PDF: variants seen among roughly 807,000 people sequenced by gnomAD.
PDF encodes the protein peptide deformylase-like protein.
A neutral mutation model predicts 20.3 loss-of-function variants in PDF; 31 were observed. That is an observed-to-expected ratio of 1.52 (90% CI 1.15 to 2.06). PDF has a LOEUF of 2.06. Ranked by LOEUF, PDF falls within the 30% of genes most tolerant of loss-of-function variation. The pLI is 0.00. For synonymous variants in PDF, 254 were observed against 172.0 expected (o/e 1.48, Z -3.73); for missense variants, 447 against 362.5 (o/e 1.23, Z -1.89).
At position 69,329,151 on chromosome 16, in the gene PDF, C is replaced by T; in HGVS notation, c.603G>A (p.Val201=). ...GGGCTGCCCACCCGCTCGCCTGCCA[C>T]ACCACCTGTTCTCCATTGGGGTCCA... ...SGLDPNGEQV[V]WQASGWAARI... is the part of the protein sequence containing the mutation. Residue 201 remains valine, a synonymous_variant, in exon 2 of 2, where the codon GTG becomes GTA. Coordinates refer to ENST00000288022, the MANE Select transcript of PDF (RefSeq NM_022341.2). 6.2e-7 allele frequency: 1 copy of T among 1,608,212 alleles called. No homozygotes were observed. The highest frequency in any genetic ancestry group is 1.3e-5 in the African/African-American group (1 of 74,926).
intron 1 of PDF, 147 bp downstream of exon 1, chr16:69,329,850 C>A: frequency 9.8e-7 from 1 of 1,021,132 alleles, no homozygotes; most frequent in Non-Finnish European, 1.3e-6. Flanking sequence ...GAGCTTCTAT[C>A]CGTCCTGAGG....
chr16:69,330,035 A>T lies in PDF; in HGVS notation c.536T>A (p.Leu179Gln). 1 of 1,546,310 alleles carries T rather than the reference A, an allele frequency of 6.5e-7. No homozygotes were observed. Among genetic ancestry groups the T allele is most frequent in the Non-Finnish European group, 8.7e-7 (1 of 1,146,258 alleles). ...PEGCESVAGF[L>Q]ACVPRFQAVQ... ...CGCCTGGAAGCGGGGCACGCAGGCC[A>T]GGAAGCCGGCGACGCTCTCGCAGCC... Residue 179 changes from leucine (L) to glutamine (Q), a missense_variant, in exon 1 of 2, where the codon CTG becomes CAG. Transcript: ENST00000288022.
At position 69,330,585 on chromosome 16, in the gene PDF, CAG is replaced by C. The variant is rs1567429541; in HGVS notation, c.-17_-16del. 1 of 1,442,506 alleles carries C rather than the reference CAG, an allele frequency of 6.9e-7. No individual in the cohort carries two copies. Among genetic ancestry groups the C allele is most frequent in the Non-Finnish European group, 9.0e-7 (1 of 1,111,068 alleles). 89.4% of individuals were successfully genotyped at this position (1,442,506 alleles called of 1,614,324 possible). A position where few individuals can be genotyped will look rare whatever the true frequency, so the allele number is the denominator to read the frequency against. On this transcript the variant is annotated 5_prime_UTR_variant, in exon 1 of 2. Coordinates refer to ENST00000288022, the MANE Select transcript of PDF (RefSeq NM_022341.2). ...AGCCGGGCCATGGCGGCCCCCTTAACAGTGACCCGGCCCGCCCCTTCCGGCCG... is the reference window on the plus strand; with the variant it reads ...AGCCGGGCCATGGCGGCCCCCTTAACTGACCCGGCCCGCCCCTTCCGGCCG...
In PDF at chr16:69,330,565, G is replaced by A. The variant is rs1434080823; in HGVS notation, c.6C>T (p.Ala2=). 2.7e-6 allele frequency: 4 copies of A among 1,460,772 alleles called. No homozygotes were observed. The highest frequency in any genetic ancestry group is 1.3e-5 in the South Asian group (1 of 74,496). 90.5% of individuals were successfully genotyped at this position (1,460,772 alleles called of 1,614,324 possible). A position where few individuals can be genotyped will look rare whatever the true frequency, so the allele number is the denominator to read the frequency against. M[A]RLWGALSLWP... ...AAAGACTCAGCGCGCCCCACAGCCG[G>A]GCCATGGCGGCCCCCTTAACAGTGA... Residue 2 remains alanine, a synonymous_variant, in exon 1 of 2, where the codon GCC becomes GCT. Transcript: ENST00000288022.
chr16:69,329,641 C>A (rs1275697958), intron 1 of PDF, among the ~76,000 whole-genome samples: 5 of 152,266 alleles, frequency 3.3e-5, no homozygotes, highest in Non-Finnish European at 5.9e-5. Context: ...AATGGCCTAG[C>A]CCCCTGGGCT....
chr16:69,330,154 C>T lies in PDF; in HGVS notation c.417G>A (p.Gln139=). 6.5e-7 allele frequency: 1 copy of T among 1,546,076 alleles called. No homozygotes were observed. Residue 139 remains glutamine (Q), a synonymous_variant, in exon 1 of 2, where the codon CAG becomes CAA. Coordinates refer to ENST00000288022, the MANE Select transcript of PDF (RefSeq NM_022341.2). Reference sequence around the variant, plus strand: ...AGGGCTCCATTTGGCGGAGCGCGCGCTGGCGGGGCGGGCACTCCCGACACA... The same window carrying T: ...AGGGCTCCATTTGGCGGAGCGCGCGTTGGCGGGGCGGGCACTCCCGACACA... ...EALCRECPPR[Q]RALRQMEPFP... is the part of the protein sequence containing the mutation.
rs1965689715 is a variant in PDF at position 69,328,989 on chromosome 16, G to A, written c.*33C>T. 1.3e-6 allele frequency: 2 copies of A among 1,588,120 alleles called. No individual in the cohort carries two copies. The highest frequency in any genetic ancestry group is 1.4e-5 in the African/African-American group (1 of 73,786). On this transcript the variant is annotated 3_prime_UTR_variant, in exon 2 of 2. Transcript: ENST00000288022. Reference sequence around the variant, plus strand: ...TCAAAGTGAAAGTGTTTGCGTCTTGGTATCCGGAATCCTCAGCCCCAGTAG... The same window carrying A: ...TCAAAGTGAAAGTGTTTGCGTCTTGATATCCGGAATCCTCAGCCCCAGTAG...
rs1391140764 is a variant in PDF at position 69,327,072 on chromosome 16, G to A, written c.*1950C>T. On this transcript the variant is annotated 3_prime_UTR_variant, in exon 2 of 2. Coordinates refer to ENST00000288022, the MANE Select transcript of PDF (RefSeq NM_022341.2). Reference sequence around the variant, plus strand: ...TCAGCTGAATTCTAATTTTCCTAAAGACCCATGTTTTTAGCATCTATGAGC... The same window carrying A: ...TCAGCTGAATTCTAATTTTCCTAAAAACCCATGTTTTTAGCATCTATGAGC... The A allele has an allele frequency of 6.7e-6, 1 of 149,692 alleles. No homozygotes were observed. Among genetic ancestry groups the A allele is most frequent in the Non-Finnish European group, 1.5e-5 (1 of 67,876 alleles). The allele number at this position is 149,692 out of a possible 1,614,324, so 9.3% of individuals were successfully genotyped here.
At chr16:69,329,864 C>T in intron 1 of PDF, 133 bp downstream of exon 1, 2 of 1,189,338 alleles carry the variant, frequency 1.7e-6, no homozygotes, top group Non-Finnish European at 2.2e-6. Flanking sequence ...CCTGAGGCCT[C>T]TCCGCTCCCG....
In PDF at chr16:69,329,042, A is replaced by C; in HGVS notation, c.712T>G (p.Trp238Gly). The change falls in exon 2 of 2, where the codon TGG (tryptophan) becomes GGG (glycine). Residue 238 changes from tryptophan to glycine, a missense_variant. Coordinates refer to ENST00000288022, the MANE Select transcript of PDF (RefSeq NM_022341.2). ...AAGCTTTAGTCATTCACCTTCATCC[A>C]ATAGACGTTTGTGAACGTCCTGCTG... Reference protein sequence around the residue: ...MDSRTFTNVYWMKVND With the variant: ...MDSRTFTNVYGMKVND 1 of 1,610,672 alleles carries C rather than the reference A, an allele frequency of 6.2e-7. No homozygotes were observed. The highest frequency in any genetic ancestry group is 8.5e-7 in the Non-Finnish European group (1 of 1,179,040).
Position 69,329,047 on chromosome 16 carries a change from A to G in PDF, c.707T>C (p.Val236Ala). ...TTAGTCATTCACCTTCATCCAATAGACGTTTGTGAACGTCCTGCTGTCCAT... is the reference window on the plus strand; with the variant it reads ...TTAGTCATTCACCTTCATCCAATAGGCGTTTGTGAACGTCCTGCTGTCCAT... ...DKMDSRTFTNVYWMKVND is the reference protein window; with the variant it reads ...DKMDSRTFTNAYWMKVND Residue 236 changes from valine to alanine, a missense_variant, in exon 2 of 2, where the codon GTC (valine) becomes GCC (alanine). Coordinates refer to ENST00000288022, the MANE Select transcript of PDF (RefSeq NM_022341.2). The G allele has an allele frequency of 6.2e-7, 1 of 1,610,714 alleles. No homozygotes were observed. Among genetic ancestry groups the G allele is most frequent in the Non-Finnish European group, 8.5e-7 (1 of 1,179,042 alleles).
In PDF at chr16:69,330,248, C is replaced by G; in HGVS notation, c.323G>C (p.Cys108Ser). The G allele has an allele frequency of 7.0e-7, 1 of 1,437,722 alleles. No individual in the cohort carries two copies. The highest frequency in any genetic ancestry group is 9.1e-7 in the Non-Finnish European group (1 of 1,104,772). 89.1% of individuals were successfully genotyped at this position (1,437,722 alleles called of 1,614,324 possible). ...RLVQVMRRRR[C>S]VGLSAPQLGV... ...CAGCTGCGGCGCGCTTAGGCCCACG[C>G]AGCGCCGCCGCCGCATCACCTGGAC... Residue 108 changes from cysteine to serine, a missense_variant, in exon 1 of 2, where the codon TGC (cysteine) becomes TCC (serine). Physicochemically the swap from Cys to Ser is moderately radical, Grantham distance 112. Coordinates refer to ENST00000288022, the MANE Select transcript of PDF (RefSeq NM_022341.2).
In PDF at chr16:69,329,097, C is replaced by T. The variant is rs1170945989; in HGVS notation, c.657G>A (p.Leu219=). The T allele has an allele frequency of 6.8e-6, 11 of 1,611,848 alleles. No individual in the cohort carries two copies. The highest frequency in any genetic ancestry group is 1.7e-5 in the Admixed American group (1 of 59,836). Residue 219 remains leucine (L), a synonymous_variant, in exon 2 of 2, where the codon CTG becomes CTA. Coordinates refer to ENST00000288022, the MANE Select transcript of PDF (RefSeq NM_022341.2). ...TTTTGTCAATAAACAGGCAGCCCTG[C>T]AGGTGGTCCATCTCGTGCTGGATGA... ...ARIIQHEMDH[L]QGCLFIDKMD... is the part of the protein sequence containing the mutation.
chr16:69,329,953 GAC>G lies in PDF; in HGVS notation c.574+42_574+43del, dbSNP rs1282127176. ...CGCTCTCGCGGAGTCGGGCAGAAGA[GAC>G]GCGCGCGCTGCTCCAGCAGCCCCGG... On this transcript the variant is annotated intron_variant, in intron 1 of 1. Transcript: ENST00000288022. 11 of 1,490,036 alleles carry G rather than the reference GAC, an allele frequency of 7.4e-6. No individual in the cohort carries two copies. The Admixed American group carries it at 1.2e-4, about 16-fold the overall frequency. The allele number at this position is 1,490,036 out of a possible 1,614,324, so 92.3% of individuals were successfully genotyped here.
Position 69,328,897 on chromosome 16 carries a change from C to T in PDF, c.*125G>A, listed in dbSNP as rs1489693730. On this transcript the variant is annotated 3_prime_UTR_variant, in exon 2 of 2. Coordinates refer to ENST00000288022, the MANE Select transcript of PDF (RefSeq NM_022341.2). ...TCTTCCTCCAGCTCAGTCTGCCATG[C>T]CTTGGCAATCCAGTTTCCTGTCATA... 1.6e-6 allele frequency: 2 copies of T among 1,259,874 alleles called. No homozygotes were observed. The highest frequency in any genetic ancestry group is 2.5e-5 in the Admixed American group (1 of 40,328). The allele number at this position is 1,259,874 out of a possible 1,614,324, so 78.0% of individuals were successfully genotyped here. A position where few individuals can be genotyped will look rare whatever the true frequency, so the allele number is the denominator to read the frequency against.
Position 69,328,948 on chromosome 16 carries a change from G to C in PDF, c.*74C>G. The C allele has an allele frequency of 6.5e-7, 1 of 1,544,984 alleles. No homozygotes were observed. The highest frequency in any genetic ancestry group is 1.7e-4 in the Middle Eastern group (1 of 5,886). Reference sequence around the variant, plus strand: ...TGCGAGCCATCCAAGTTGATGCCAAGTAAGATTTGCCCAGCTCAAAGTGAA... The same window carrying C: ...TGCGAGCCATCCAAGTTGATGCCAACTAAGATTTGCCCAGCTCAAAGTGAA... On this transcript the variant is annotated 3_prime_UTR_variant, in exon 2 of 2. Transcript: ENST00000288022.
chr16:69,330,226 C>G lies in PDF; in HGVS notation c.345G>C (p.Gln115His). The change falls in exon 1 of 2, where the codon CAG becomes CAC. Residue 115 changes from glutamine (Q) to histidine (H), a missense_variant. Transcript: ENST00000288022. Reference protein sequence around the residue: ...RRRCVGLSAPQLGVPRQVLAL... With the variant: ...RRRCVGLSAPHLGVPRQVLAL... ...CCAGCACCTGCCGCGGCACCCCCAG[C>G]TGCGGCGCGCTTAGGCCCACGCAGC... 1 of 1,452,310 alleles carries G rather than the reference C, an allele frequency of 6.9e-7. No individual in the cohort carries two copies. Among genetic ancestry groups the G allele is most frequent in the Non-Finnish European group, 9.0e-7 (1 of 1,111,002 alleles). The allele number at this position is 1,452,310 out of a possible 1,614,324, so 90.0% of individuals were successfully genotyped here.
rs2011689775 is a variant in PDF at position 69,330,273 on chromosome 16, CCAGCCGTTGCGT to C, written c.286_297del (p.Thr96_Leu99del). ...CAGCGCCGCCGCCGCATCACCTGGA[CCAGCCGTTGCGT>C]CAGCCGCTGCAGCTCGGGCCCGCCT... On this transcript the variant is annotated inframe_deletion, in exon 1 of 2. Transcript: ENST00000288022. 22 of 1,438,842 alleles carry C rather than the reference CCAGCCGTTGCGT, an allele frequency of 1.5e-5. No individual in the cohort carries two copies. The highest frequency in any genetic ancestry group is 2.0e-5 in the Non-Finnish European group (22 of 1,105,362). 89.1% of individuals were successfully genotyped at this position (1,438,842 alleles called of 1,614,324 possible). A position where few individuals can be genotyped will look rare whatever the true frequency, so the allele number is the denominator to read the frequency against.
At position 69,330,257 on chromosome 16, in the gene PDF, CG is replaced by C; in HGVS notation, c.313del (p.Arg105GlyfsTer7). 7.0e-7 allele frequency: 1 copy of C among 1,437,426 alleles called. No homozygotes were observed. The highest frequency in any genetic ancestry group is 9.1e-7 in the Non-Finnish European group (1 of 1,104,942). The allele number at this position is 1,437,426 out of a possible 1,614,324, so 89.0% of individuals were successfully genotyped here. ...LTQRLVQVMRRRRCVGLSAPQ... is the reference protein window; with the variant it reads ...LTQRLVQVMRXRRCVGLSAPQ... ...CGCGCTTAGGCCCACGCAGCGCCGC[CG>C]CCGCATCACCTGGACCAGCCGTTGC... On this transcript the variant is annotated frameshift_variant, in exon 1 of 2. Coordinates refer to ENST00000288022, the MANE Select transcript of PDF (RefSeq NM_022341.2). LOFTEE classifies it high-confidence loss of function.
Sources: gnomAD v4.1 joint callset for allele counts (sites outside exome capture counted in the v4.1 genomes callset) on GRCh38, gnomAD v4.1.1 for gene constraint, MANE v1.5 for transcripts, NCBI Gene and HGNC (gene_info 2026-07-23, HGNC 2026-07-21) for gene names.